Variants in NFIC observed in about 807,000 individuals in gnomAD.
The protein encoded by NFIC is nuclear factor I C.
A neutral mutation model predicts 54.4 loss-of-function variants in NFIC; 12 were observed. The observed-to-expected ratio is 0.22, with a 90% CI of 0.14 to 0.36. NFIC has a LOEUF of 0.36. NFIC is among the 10% of genes least tolerant of loss of function. NFIC has a pLI of 1.00. For synonymous variants in NFIC, 322 were observed against 319.2 expected (o/e 1.01, Z -0.09); for missense variants, 575 against 718.2 (o/e 0.80, Z 2.28).
intron 2 of NFIC, among the ~76,000 whole-genome samples, 158 bp downstream of exon 2, chr19:3,382,401 A>G (rs573619503): frequency 6.6e-6 from 1 of 151,300 alleles, no homozygotes; most frequent in Admixed American, 6.6e-5. Flanking sequence ...AATGGGGGCG[A>G]CACGGGGCAC....
chr19:3,429,681 C>G (rs1185834780), intron 3 of NFIC, among the ~76,000 whole-genome samples: 1 of 152,252 alleles, frequency 6.6e-6, no homozygotes, highest in East Asian at 1.9e-4. Context: ...CCGTGCTGCC[C>G]CCTGGGGGCC....
chr19:3,415,129 C>T (rs1198956354), intron 2 of NFIC, among the ~76,000 whole-genome samples: 2 of 151,112 alleles, frequency 1.3e-5, no homozygotes, highest in East Asian at 2.0e-4. Flanking sequence ...TGTGAGCCAC[C>T]GTGCCCTGCC....
chr19:3,372,643 A>G (rs2081039735), intron 1 of NFIC, among the ~76,000 whole-genome samples: 1 of 146,588 alleles, frequency 6.8e-6, no homozygotes, highest in African/African-American at 2.5e-5. Context: ...GAGAGTGTGC[A>G]CGGTGCAGAC....
Position 3,464,104 on chromosome 19 carries a change from AC to A in NFIC, c.*1336del. ...CCCACGCCTCCGCTGCCAGTGCCTT[AC>A]ATTCTGGAGCGACCCCCCTCCCTGG... On this transcript the variant is annotated 3_prime_UTR_variant, in exon 11 of 11. Coordinates refer to ENST00000443272, the MANE Select transcript of NFIC (RefSeq NM_001245002.2). 1.0e-6 allele frequency: 1 copy of A among 984,988 alleles called. No individual in the cohort carries two copies. Among genetic ancestry groups the A allele is most frequent in the Non-Finnish European group, 1.2e-6 (1 of 829,798 alleles). The allele number at this position is 984,988 out of a possible 1,614,324, so 61.0% of individuals were successfully genotyped here.
chr19:3,398,505 A>G (rs913587237), intron 2 of NFIC, among the ~76,000 whole-genome samples: 5 of 151,952 alleles, frequency 3.3e-5, no homozygotes, highest in African/African-American at 1.2e-4. Flanking sequence ...TTTCACCTTC[A>G]GAGCAACGGG....
intron 2 of NFIC, among the ~76,000 whole-genome samples, chr19:3,387,741 A>C (rs1305375075): frequency 1.3e-5 from 2 of 148,794 alleles, no homozygotes; most frequent in African/African-American, 5.0e-5. Context: ...GCTGGCTGGG[A>C]TGTTCAGGGG....
At chr19:3,441,704 G>T (rs910424863) in intron 6 of NFIC, among the ~76,000 whole-genome samples, 1 of 152,200 alleles carries the variant, frequency 6.6e-6, no homozygotes, top group Non-Finnish European at 1.5e-5. Flanking sequence ...AGGAAGGGCC[G>T]GAGGGGCTGG....
At chr19:3,441,178 G>T (rs1599697275) in intron 6 of NFIC, among the ~76,000 whole-genome samples, 1 of 152,170 alleles carries the variant, frequency 6.6e-6, no homozygotes, top group Non-Finnish European at 1.5e-5. Context: ...TGCCTGGCAG[G>T]CACCTCATTT....
At chr19:3,368,439 AG>A (rs2080936052) in intron 1 of NFIC, among the ~76,000 whole-genome samples, 1 of 152,188 alleles carries the variant, frequency 6.6e-6, no homozygotes, top group African/African-American at 2.4e-5. Context: ...ACCAGCCAGG[AG>A]GGCTGTCTGT....
At chr19:3,444,805 A>G (rs1032714041) in intron 6 of NFIC, among the ~76,000 whole-genome samples, 6 of 152,218 alleles carry the variant, frequency 3.9e-5, no homozygotes, top group Admixed American at 3.3e-4. Context: ...GCCCCTGCAC[A>G]CACACACACA....
chr19:3,393,089 C>T (rs535772422), intron 2 of NFIC, among the ~76,000 whole-genome samples: 94 of 152,172 alleles, frequency 6.2e-4, no homozygotes, highest in Non-Finnish European at 1.1e-3. Flanking sequence ...TACAGGTGCC[C>T]GCCACCACAC....
Position 3,467,531 on chromosome 19 carries a change from T to A in NFIC, c.*4762T>A, listed in dbSNP as rs1262770124. 1 of 151,144 alleles carries A rather than the reference T, an allele frequency of 6.6e-6. No homozygotes were observed. Among genetic ancestry groups the A allele is most frequent in the Non-Finnish European group, 1.5e-5 (1 of 67,868 alleles). The allele number at this position is 151,144 out of a possible 1,614,324, so 9.4% of individuals were successfully genotyped here. A position where few individuals can be genotyped will look rare whatever the true frequency, so the allele number is the denominator to read the frequency against. ...CTTAGGGGCCAGACCTGGGTCCCCCTGCAGGTCCCCAGGCAGCAGACAATT... is the reference window on the plus strand; with the variant it reads ...CTTAGGGGCCAGACCTGGGTCCCCCAGCAGGTCCCCAGGCAGCAGACAATT... On this transcript the variant is annotated 3_prime_UTR_variant, in exon 11 of 11. Coordinates refer to ENST00000443272, the MANE Select transcript of NFIC (RefSeq NM_001245002.2).
At position 3,463,003 on chromosome 19, in the gene NFIC, A is replaced by C. The variant is rs1315202232; in HGVS notation, c.*234A>C. On this transcript the variant is annotated 3_prime_UTR_variant, in exon 11 of 11. Coordinates refer to ENST00000443272, the MANE Select transcript of NFIC (RefSeq NM_001245002.2). ...TAAAAACCCACCCAAGCAAGAAGAC[A>C]AAAGGTAAAGACGCAACGTTTCCAA... 7.1e-7 allele frequency: 1 copy of C among 1,405,796 alleles called. No homozygotes were observed. The highest frequency in any genetic ancestry group is 3.2e-5 in the Admixed American group (1 of 31,310). The allele number at this position is 1,405,796 out of a possible 1,614,324, so 87.1% of individuals were successfully genotyped here. A position where few individuals can be genotyped will look rare whatever the true frequency, so the allele number is the denominator to read the frequency against.
At chr19:3,439,259 G>A (rs776795000) in intron 6 of NFIC, among the ~76,000 whole-genome samples, 67 of 137,196 alleles carry the variant, frequency 4.9e-4, no homozygotes, top group Middle Eastern at 4.0e-3. Context: ...TGCTTAAGAC[G>A]GGAGGTCAAA....
chr19:3,455,725 G>C (rs1187193695), intron 9 of NFIC, among the ~76,000 whole-genome samples: 1 of 151,904 alleles, frequency 6.6e-6, no homozygotes, highest in East Asian at 1.9e-4. Flanking sequence ...CCCAGAGCCT[G>C]GTATACAGTA....
intron 10 of NFIC, among the ~76,000 whole-genome samples, chr19:3,460,061 G>T (rs1030494733): frequency 6.6e-6 from 1 of 152,212 alleles, no homozygotes; most frequent in Non-Finnish European, 1.5e-5. Flanking sequence ...GACTGAGGCC[G>T]GAGCTGTCCC....
At chr19:3,417,792 ATTT>A (rs71164696) in intron 2 of NFIC, among the ~76,000 whole-genome samples, 1 of 132,594 alleles carries the variant, frequency 7.5e-6, no homozygotes. Flanking sequence ...CGCCCGGCTA[ATTT>A]TTTTTTTTTT....
At chr19:3,384,431 C>G in intron 2 of NFIC, among the ~76,000 whole-genome samples, 1 of 151,822 alleles carries the variant, frequency 6.6e-6, no homozygotes, top group South Asian at 2.1e-4. Flanking sequence ...CCCTGTTCCC[C>G]GGGCTGGAGT....
intron 9 of NFIC, among the ~76,000 whole-genome samples, chr19:3,456,162 C>T (rs1049836654): frequency 3.9e-5 from 6 of 152,264 alleles, no homozygotes; most frequent in African/African-American, 7.2e-5. Flanking sequence ...ATAAATAAAA[C>T]GCCCTCAATA....
Sources: allele counts gnomAD v4.1 joint callset (sites outside exome capture counted in the v4.1 genomes callset), GRCh38; gene constraint gnomAD v4.1.1; transcripts MANE v1.5; gene names NCBI Gene and HGNC (gene_info 2026-07-23, HGNC 2026-07-21).